The following TDRD7 variants were observed in gnomAD, a reference collection of about 807,000 sequenced individuals.
TDRD7 encodes the protein tudor domain-containing protein 7.
TDRD7 carries 47 observed loss-of-function variants against 109.8 expected under a neutral mutation model. That is an observed-to-expected ratio of 0.43 (90% CI 0.34 to 0.55). The LOEUF (loss-of-function observed/expected upper bound fraction) is 0.55. TDRD7 is among the 20% of genes least tolerant of loss of function. The pLI is 0.03. For synonymous variants in TDRD7, 424 were observed against 457.3 expected, an observed-to-expected ratio of 0.93 and a Z score of 0.93; for missense variants, 1,164 against 1,319.2, an observed-to-expected ratio of 0.88 and a Z score of 1.82.
chr9:97,485,788 G>T (rs566527428), intron 15 of TDRD7, among the ~76,000 whole-genome samples: 25 of 152,258 alleles, frequency 1.6e-4, no homozygotes, highest in African/African-American at 5.5e-4. Flanking sequence ...GATGATTGAG[G>T]CTCAGAGCTT....
intron 1 of TDRD7, among the ~76,000 whole-genome samples, chr9:97,418,130 A>C (rs1456792659): frequency 4.6e-5 from 7 of 152,188 alleles, no homozygotes; most frequent in African/African-American, 1.4e-4. Context: ...ATCTGGGGGA[A>C]AAATAAAGGG....
At chr9:97,416,839 C>T (rs768036644) in intron 1 of TDRD7, among the ~76,000 whole-genome samples, 6 of 151,654 alleles carry the variant, frequency 4.0e-5, no homozygotes, top group Non-Finnish European at 8.8e-5. Context: ...ATTGAGCTCT[C>T]GGTGGGCTAG....
rs1056979316 is a variant in TDRD7 at position 97,480,923 on chromosome 9, G to A, written c.2397G>A (p.Ser799=). ...LWLRDSVLNC[S]DCSIKVTKVD... is the part of the protein sequence containing the mutation. ...TAAGAGATTCTGTTTTGAATTGCTCGGACTGTAGCATTAAGGTTAGCTATC... is the reference window on the plus strand; with the variant it reads ...TAAGAGATTCTGTTTTGAATTGCTCAGACTGTAGCATTAAGGTTAGCTATC... The change falls in exon 14 of 17, where the codon TCG becomes TCA. Residue 799 remains serine, a synonymous_variant. Coordinates refer to ENST00000355295, the MANE Select transcript of TDRD7 (RefSeq NM_014290.3). 6 of 1,613,760 alleles carry A rather than the reference G, an allele frequency of 3.7e-6. No homozygotes were observed. The highest frequency in any genetic ancestry group is 1.3e-5 in the African/African-American group (1 of 74,904).
intron 7 of TDRD7, among the ~76,000 whole-genome samples, chr9:97,461,140 CAAA>C (rs753213087): frequency 5.6e-5 from 5 of 89,006 alleles, no homozygotes; most frequent in East Asian, 2.8e-4. Flanking sequence ...GACTCCATCT[CAAA>C]AAAAAAAAAA....
At chr9:97,471,273 A>G (rs983167170) in intron 9 of TDRD7, among the ~76,000 whole-genome samples, 2 of 152,214 alleles carry the variant, frequency 1.3e-5, no homozygotes, top group African/African-American at 4.8e-5. Flanking sequence ...AATATGCACC[A>G]TGCCGGGGGG....
chr9:97,428,555 G>T lies in TDRD7; in HGVS notation c.90G>T (p.Glu30Asp). ...TAGCATTACCCCGGCTCCAAGGAGA[G>T]TACAGATCCTTGACTGGAGACTGGA... The part of the protein sequence containing the change: ...NGVALPRLQG[E>D]YRSLTGDWIP... The change falls in exon 2 of 17, where the codon GAG becomes GAT. Residue 30 changes from glutamate to aspartate, a missense_variant. Transcript: ENST00000355295. 6.2e-7 allele frequency: 1 copy of T among 1,613,802 alleles called. No individual in the cohort carries two copies. The highest frequency in any genetic ancestry group is 8.5e-7 in the Non-Finnish European group (1 of 1,179,878).
chr9:97,446,754 A>G (rs1459399112), intron 6 of TDRD7, among the ~76,000 whole-genome samples: 1 of 152,174 alleles, frequency 6.6e-6, no homozygotes, highest in African/African-American at 2.4e-5. Context: ...AATTACGGTA[A>G]TTAATTGTAT....
chr9:97,432,073 C>T lies in TDRD7; in HGVS notation c.398C>T (p.Ser133Phe), dbSNP rs772973624. ...CAACCAGGATTTGCTTCAAATTTTT[C>T]TGTTGGCAAAAAACCTAATCCAGCA... ...LRQPGFASNF[S>F]VGKKPNPAPL... Residue 133 changes from serine (S) to phenylalanine (F), a missense_variant, in exon 4 of 17, where the codon TCT becomes TTT. Transcript: ENST00000355295. 64 of 1,613,706 alleles carry T rather than the reference C, an allele frequency of 4.0e-5. No individual in the cohort carries two copies. Among genetic ancestry groups the T allele is most frequent in the Non-Finnish European group, 5.4e-5 (64 of 1,179,804 alleles).
At chr9:97,416,191 A>G (rs570217030) in intron 1 of TDRD7, among the ~76,000 whole-genome samples, 1 of 152,320 alleles carries the variant, frequency 6.6e-6, no homozygotes, top group South Asian at 2.1e-4. Flanking sequence ...GCAAATAGAG[A>G]GTTATAGTCC....
chr9:97,438,952 G>C (rs914931506), intron 4 of TDRD7, among the ~76,000 whole-genome samples: 2 of 151,800 alleles, frequency 1.3e-5, no homozygotes, highest in Non-Finnish European at 2.9e-5. Context: ...TCTTTATTCT[G>C]TTTTACCAGT....
At chr9:97,431,185 A>G in intron 3 of TDRD7, 111 bp downstream of exon 3, 18 of 1,491,804 alleles carry the variant, frequency 1.2e-5, no homozygotes, top group Non-Finnish European at 1.7e-5. Context: ...CTGTTAACAT[A>G]CATATGTCAG....
intron 4 of TDRD7, among the ~76,000 whole-genome samples, chr9:97,439,000 T>C (rs1425676037): frequency 6.6e-6 from 1 of 152,206 alleles, no homozygotes; most frequent in East Asian, 1.9e-4. Flanking sequence ...GACATCCAAG[T>C]TTTGAAAGAG....
rs530882496 is a variant in TDRD7, at chr9:97,434,397, G to C, written c.563+2159G>C. On this transcript the variant is annotated intron_variant, in intron 4 of 16. Transcript: ENST00000355295. ...TTGTGGACGTACACAATTTCAGTTA[G>C]GAGAAATAGGTTCAATACATCTGTT... 9.9e-5 allele frequency among the ~76,000 whole-genome samples: 15 copies of C among 152,210 alleles called. 1 individual carries two copies. Among genetic ancestry groups the C allele is most frequent in the African/African-American group, 3.6e-4 (15 of 41,542 alleles).
At chr9:97,446,525 A>G (rs760739506) in intron 6 of TDRD7, among the ~76,000 whole-genome samples, 6 of 152,246 alleles carry the variant, frequency 3.9e-5, no homozygotes, top group Non-Finnish European at 8.8e-5. Context: ...AGGATGTTTT[A>G]CTGTTAATCT....
chr9:97,468,987 A>G (rs1414759496), intron 8 of TDRD7, among the ~76,000 whole-genome samples: 2 of 152,254 alleles, frequency 1.3e-5, no homozygotes, highest in Non-Finnish European at 2.9e-5. Context: ...ATGTATGATT[A>G]AAAACAAGAA....
intron 16 of TDRD7, among the ~76,000 whole-genome samples, chr9:97,492,521 T>A (rs1462913821): frequency 2.0e-5 from 3 of 152,228 alleles, no homozygotes; most frequent in Non-Finnish European, 2.9e-5. Context: ...CCCATGATTA[T>A]TTATAAAATT....
chr9:97,452,695 T>A (rs1587874166), intron 6 of TDRD7, among the ~76,000 whole-genome samples: 1 of 152,362 alleles, frequency 6.6e-6, no homozygotes. Context: ...TGGCAAAGTT[T>A]GACTTAAATG....
At position 97,432,256 on chromosome 9, in the gene TDRD7, C is replaced by CA; in HGVS notation, c.563+19dup. Reference sequence around the variant, plus strand: ...AACAACAGGTATTTGGCCTCTGACTCACAGAAGTTTGGTGAATCTAGGGTA... The same window carrying CA: ...AACAACAGGTATTTGGCCTCTGACTCAACAGAAGTTTGGTGAATCTAGGGTA... On this transcript the variant is annotated intron_variant, in intron 4 of 16. Coordinates refer to ENST00000355295, the MANE Select transcript of TDRD7 (RefSeq NM_014290.3). The CA allele has an allele frequency of 6.2e-7, 1 of 1,609,180 alleles. No individual in the cohort carries two copies. The highest frequency in any genetic ancestry group is 8.5e-7 in the Non-Finnish European group (1 of 1,175,734).
chr9:97,464,298 G>C (rs1261214248), intron 7 of TDRD7, among the ~76,000 whole-genome samples: 1 of 152,114 alleles, frequency 6.6e-6, no homozygotes, highest in Non-Finnish European at 1.5e-5. Context: ...CTTTGTTGTG[G>C]GATATGTTGG....
Sources: allele counts gnomAD v4.1 joint callset (sites outside exome capture counted in the v4.1 genomes callset), GRCh38; gene constraint gnomAD v4.1.1; transcripts MANE v1.5; gene names NCBI Gene and HGNC (gene_info 2026-07-23, HGNC 2026-07-21).